Variants in C16orf78 observed in about 807,000 individuals in gnomAD.
The protein encoded by C16orf78 is chromosome 16 open reading frame 78, also known as uncharacterized protein C16orf78.
C16orf78 carries 19 observed loss-of-function variants against 27.3 expected under a neutral mutation model. That is an observed-to-expected ratio of 0.70 (90% CI 0.49 to 1.02). C16orf78 has a LOEUF of 1.02. Among genes scored for constraint, C16orf78 ranks in the 50% least tolerant of loss-of-function variants. The pLI is 0.00. For synonymous variants in C16orf78, 130 were observed against 116.1 expected, an observed-to-expected ratio of 1.12 and a Z score of -0.77; for missense variants, 339 against 337.0, an observed-to-expected ratio of 1.01 and a Z score of -0.05.
intron 1 of C16orf78, among the ~76,000 whole-genome samples, chr16:49,375,245 C>T (rs1965199802): frequency 6.6e-6 from 1 of 152,114 alleles, no homozygotes; most frequent in South Asian, 2.1e-4. Flanking sequence ...TTGGGGAAAG[C>T]TTCCATTATG....
intron 3 of C16orf78, among the ~76,000 whole-genome samples, chr16:49,387,061 T>C (rs193161699): frequency 2.8e-4 from 43 of 152,256 alleles, no homozygotes; most frequent in Non-Finnish European, 2.9e-5. Flanking sequence ...ACACTCTGAT[T>C]AGCAGTGCAT....
intron 3 of C16orf78, among the ~76,000 whole-genome samples, chr16:49,381,324 A>C (rs1281180739): frequency 1.3e-5 from 2 of 152,120 alleles, no homozygotes; most frequent in Non-Finnish European, 2.9e-5. Flanking sequence ...AGTGGTTTGT[A>C]GTTCTCCTTG....
rs541719895 is a variant in C16orf78, at chr16:49,398,630, C to T, written c.651-501C>T. ...CGTAACAATTCACATTCTGTCTTTT[C>T]TCCCCACTTGGTATTGTCACAGCCA... On this transcript the variant is annotated intron_variant, in intron 4 of 4. Transcript: ENST00000299191. 5.9e-5 allele frequency among the ~76,000 whole-genome samples: 9 copies of T among 152,310 alleles called. No individual in the cohort carries two copies. The East Asian group carries it at 1.7e-3, about 29-fold the overall frequency.
chr16:49,378,398 G>C, intron 2 of C16orf78, 72 bp from the exon 3 acceptor site: 2 of 1,517,044 alleles, frequency 1.3e-6, no homozygotes, highest in African/African-American at 1.4e-5. Context: ...ATTGCTGTTT[G>C]CTTGGGATGG....
chr16:49,393,210 T>C (rs574029487), intron 3 of C16orf78, among the ~76,000 whole-genome samples: 1 of 152,146 alleles, frequency 6.6e-6, no homozygotes, highest in Non-Finnish European at 1.5e-5. Context: ...CCTCCCATTC[T>C]CCCCACTATA....
At chr16:49,396,189 G>C (rs1288970191) in intron 3 of C16orf78, among the ~76,000 whole-genome samples, 2 of 152,104 alleles carry the variant, frequency 1.3e-5, no homozygotes, top group African/African-American at 2.4e-5. Context: ...CTGCAGTGAG[G>C]TATGATTGTG....
rs530316153 is a variant in C16orf78, at chr16:49,377,805, G to T, written c.225G>T (p.Met75Ile). 3 of 1,591,272 alleles carry T rather than the reference G, an allele frequency of 1.9e-6. No individual in the cohort carries two copies. Among genetic ancestry groups the T allele is most frequent in the African/African-American group, 2.7e-5 (2 of 74,698 alleles). Residue 75 changes from methionine to isoleucine, a missense_variant, in exon 2 of 5, where the codon ATG becomes ATT. Transcript: ENST00000299191. Reference protein sequence around the residue: ...KKEEKKGKGLMTARGGNRRDT... With the variant: ...KKEEKKGKGLITARGGNRRDT... Reference sequence around the variant, plus strand: ...AAGAGAAGAAAGGCAAAGGCCTCATGACAGCACGGGGAGGGAACCGCAGGG... The same window carrying T: ...AAGAGAAGAAAGGCAAAGGCCTCATTACAGCACGGGGAGGGAACCGCAGGG...
Position 49,396,567 on chromosome 16 carries a change from A to G in C16orf78, c.539A>G (p.Lys180Arg). 6.2e-7 allele frequency: 1 copy of G among 1,614,224 alleles called. No homozygotes were observed. The highest frequency in any genetic ancestry group is 8.5e-7 in the Non-Finnish European group (1 of 1,180,034). Residue 180 changes from lysine (K) to arginine (R), a missense_variant, in exon 4 of 5, where the codon AAG becomes AGG. Physicochemically the swap from Lys to Arg is conservative, Grantham distance 26. Transcript: ENST00000299191. ...RATFIRDWSN[K>R]MPDMAYERKL... ...ACCTTCATAAGAGACTGGTCCAACA[A>G]GATGCCTGACATGGCTTACGAACGC...
Position 49,377,712 on chromosome 16 carries a change from T to C in C16orf78, c.151-19T>C, listed in dbSNP as rs755264047. 9.4e-6 allele frequency: 15 copies of C among 1,598,768 alleles called. No individual in the cohort carries two copies. The African/African-American group carries it at 1.5e-4, about 16-fold the overall frequency. ...CCCCACAGCAGTGGCTGCAGGGCTC[T>C]CTTCCCTTGTCTTTTCAGAAGCAAA... is the stretch of plus-strand genomic sequence containing the variant. On this transcript the variant is annotated intron_variant, in intron 1 of 4. Coordinates refer to ENST00000299191, the MANE Select transcript of C16orf78 (RefSeq NM_144602.4).
chr16:49,380,125 G>C (rs1965269290), intron 3 of C16orf78, among the ~76,000 whole-genome samples: 1 of 152,114 alleles, frequency 6.6e-6, no homozygotes, highest in Admixed American at 6.6e-5. Flanking sequence ...GGTTTGCCAG[G>C]GGCTCTCGGG....
chr16:49,375,079 A>G (rs1402175301), intron 1 of C16orf78, among the ~76,000 whole-genome samples: 1 of 152,208 alleles, frequency 6.6e-6, no homozygotes, highest in East Asian at 1.9e-4. Context: ...CCAGGGAGGC[A>G]CCATTTTTAC....
At chr16:49,389,111 A>C (rs1056109885) in intron 3 of C16orf78, among the ~76,000 whole-genome samples, 1 of 151,812 alleles carries the variant, frequency 6.6e-6, no homozygotes, top group Admixed American at 6.6e-5. Context: ...CATCTCCTTC[A>C]TTAGCTTCCT....
intron 1 of C16orf78, among the ~76,000 whole-genome samples, chr16:49,375,352 G>A (rs938229683): frequency 2.0e-5 from 3 of 152,108 alleles, no homozygotes; most frequent in South Asian, 2.1e-4. Flanking sequence ...AAAAAAAAAT[G>A]TTTAATTGGC....
In C16orf78 at chr16:49,378,586, G is replaced by T. The variant is rs550915813; in HGVS notation, c.387G>T (p.Lys129Asn). Reference sequence around the variant, plus strand: ...GCAGCTACATCAAGGATGGCCCCAAGAAATCTGGTAAGGGAAAAACCTTGG... The same window carrying T: ...GCAGCTACATCAAGGATGGCCCCAATAAATCTGGTAAGGGAAAAACCTTGG... Reference protein sequence around the residue: ...VPGSYIKDGPKKSDTDIKDAV... With the variant: ...VPGSYIKDGPNKSDTDIKDAV... Residue 129 changes from lysine (K) to asparagine (N), a missense_variant, in exon 3 of 5, where the codon AAG (lysine) becomes AAT (asparagine). By Grantham distance (94) the Lys-to-Asn change is moderately conservative. Transcript: ENST00000299191. 6.2e-7 allele frequency: 1 copy of T among 1,613,908 alleles called. No individual in the cohort carries two copies. The highest frequency in any genetic ancestry group is 8.5e-7 in the Non-Finnish European group (1 of 1,179,946).
At chr16:49,386,250 ATAG>A (rs1330321176) in intron 3 of C16orf78, among the ~76,000 whole-genome samples, 1 of 152,236 alleles carries the variant, frequency 6.6e-6, no homozygotes, top group Non-Finnish European at 1.5e-5. Flanking sequence ...CAATACAATA[ATAG>A]TAGGGGACTT....
At chr16:49,380,581 AC>A (rs1490254817) in intron 3 of C16orf78, among the ~76,000 whole-genome samples, 2 of 152,144 alleles carry the variant, frequency 1.3e-5, no homozygotes, top group African/African-American at 4.8e-5. Flanking sequence ...GTGTGTAAAT[AC>A]ATTCTACTGA....
At chr16:49,382,171 A>G (rs1274984430) in intron 3 of C16orf78, among the ~76,000 whole-genome samples, 2 of 152,156 alleles carry the variant, frequency 1.3e-5, no homozygotes, top group Non-Finnish European at 2.9e-5. Context: ...AGAACAAAAA[A>G]CCAAACACCG....
At chr16:49,380,013 T>C (rs1224079723) in intron 3 of C16orf78, among the ~76,000 whole-genome samples, 1 of 152,226 alleles carries the variant, frequency 6.6e-6, no homozygotes, top group Non-Finnish European at 1.5e-5. Context: ...TCAGACTTGC[T>C]GAGTCCTCTG....
At position 49,396,638 on chromosome 16, in the gene C16orf78, A is replaced by C. The variant is rs560343232; in HGVS notation, c.610A>C (p.Thr204Pro). The change falls in exon 4 of 5, where the codon ACC (threonine) becomes CCC (proline). Residue 204 changes from threonine to proline, a missense_variant. Transcript: ENST00000299191. ...MEKSTEPKME[T>P]MRMLKPEEVL... ...GAAAAGCACCGAACCTAAGATGGAA[A>C]CCATGAGGATGTTGAAGCCAGAGGA... The C allele has an allele frequency of 1.2e-6, 2 of 1,612,556 alleles. No individual in the cohort carries two copies. The highest frequency in any genetic ancestry group is 2.2e-5 in the South Asian group (2 of 91,082).
Sources: gnomAD v4.1 joint callset for allele counts (sites outside exome capture counted in the v4.1 genomes callset) on GRCh38, gnomAD v4.1.1 for gene constraint, MANE v1.5 for transcripts, NCBI Gene and HGNC (gene_info 2026-07-23, HGNC 2026-07-21) for gene names.